Variants in ADAMTS12 observed in about 807,000 individuals in gnomAD.
ADAMTS12 encodes ADAM metallopeptidase with thrombospondin type 1 motif 12.
A neutral mutation model predicts 167.8 loss-of-function variants in ADAMTS12; 118 were observed. The observed-to-expected ratio is 0.70, with a 90% CI of 0.61 to 0.82. ADAMTS12 has a LOEUF of 0.82. Ranked by LOEUF, ADAMTS12 falls within the 40% of genes least tolerant of loss-of-function variation. ADAMTS12 has a pLI of 0.00. For missense variants in ADAMTS12, 1,916 were observed against 1,998.8 expected (o/e 0.96, Z 0.79); for synonymous variants, 704 against 716.9 (o/e 0.98, Z 0.29).
intron 2 of ADAMTS12, among the ~76,000 whole-genome samples, chr5:33,836,335 C>T (rs1267241220): frequency 1.3e-5 from 2 of 152,186 alleles, no homozygotes; most frequent in Non-Finnish European, 1.5e-5. Context: ...CTGGACGAGC[C>T]TTCTCCAAAC....
intron 16 of ADAMTS12, among the ~76,000 whole-genome samples, chr5:33,598,693 G>A (rs6893739): frequency 0.021 from 3,255 of 152,270 alleles, 44 homozygotes; most frequent in African/African-American, 0.05. Context: ...CGATTGTCAG[G>A]ATGTTTCAAA....
chr5:33,527,414 T>G, intron 23 of ADAMTS12, 48 bp from the exon 24 acceptor site: 1 of 1,574,102 alleles, frequency 6.4e-7, no homozygotes. Flanking sequence ...GATTATCCTT[T>G]GTGGATATAC....
At chr5:33,658,362 C>G in intron 6 of ADAMTS12, 29 bp from the exon 7 acceptor site, 1 of 1,604,878 alleles carries the variant, frequency 6.2e-7, no homozygotes, top group Non-Finnish European at 8.5e-7. Flanking sequence ...GAAGCTAAGG[C>G]GCCCAAAGGA....
intron 1 of ADAMTS12, among the ~76,000 whole-genome samples, chr5:33,888,848 T>C (rs1411501478): frequency 1.3e-5 from 2 of 152,196 alleles, no homozygotes; most frequent in African/African-American, 4.8e-5. Context: ...TCACAGCACA[T>C]TCCTATATCA....
chr5:33,794,522 A>C (rs6866568), intron 2 of ADAMTS12, among the ~76,000 whole-genome samples: 26,575 of 152,190 alleles, frequency 0.17, 2,403 homozygotes, highest in East Asian at 0.18. Flanking sequence ...TCATCCTGCT[A>C]CACTGACTTC....
At chr5:33,677,830 A>G (rs1579827766) in intron 5 of ADAMTS12, among the ~76,000 whole-genome samples, 1 of 152,170 alleles carries the variant, frequency 6.6e-6, no homozygotes, top group African/African-American at 2.4e-5. Flanking sequence ...TTGAAATATG[A>G]CTATCTCGCC....
intron 12 of ADAMTS12, among the ~76,000 whole-genome samples, chr5:33,635,845 C>A (rs377221673): frequency 2.0e-5 from 3 of 152,242 alleles, no homozygotes; most frequent in South Asian, 2.1e-4. Context: ...TTCAGGTTAG[C>A]AGATAAGTCA....
intron 17 of ADAMTS12, among the ~76,000 whole-genome samples, chr5:33,594,435 C>A (rs1199827510): frequency 6.6e-6 from 1 of 152,112 alleles, no homozygotes; most frequent in Non-Finnish European, 1.5e-5. Context: ...AGAAATTATA[C>A]CTGTATGTAT....
chr5:33,767,031 G>C (rs1010658716), intron 2 of ADAMTS12, among the ~76,000 whole-genome samples: 1 of 152,062 alleles, frequency 6.6e-6, no homozygotes, highest in Non-Finnish European at 1.5e-5. Context: ...ATGAATACTA[G>C]GAAACAAACT....
At chr5:33,570,283 A>AC (rs755384951) in intron 19 of ADAMTS12, among the ~76,000 whole-genome samples, 5 of 152,240 alleles carry the variant, frequency 3.3e-5, no homozygotes, top group African/African-American at 4.8e-5. Flanking sequence ...CAACTCCAAG[A>AC]CACGTAATTG....
chr5:33,772,211 C>T (rs1745764344), intron 2 of ADAMTS12, among the ~76,000 whole-genome samples: 1 of 152,060 alleles, frequency 6.6e-6, no homozygotes, highest in Middle Eastern at 3.2e-3. Flanking sequence ...AGACTCTCAA[C>T]AGCAGTTCCC....
intron 2 of ADAMTS12, among the ~76,000 whole-genome samples, chr5:33,786,045 G>A (rs1234036678): frequency 6.6e-6 from 1 of 152,196 alleles, no homozygotes; most frequent in Non-Finnish European, 1.5e-5. Context: ...TATGCAAAGT[G>A]AAAGAAACCA....
Position 33,881,321 on chromosome 5 carries a change from G to T in ADAMTS12, c.287C>A (p.Ser96Tyr). The T allele has an allele frequency of 6.2e-7, 1 of 1,614,212 alleles. No homozygotes were observed. Reference protein sequence around the residue: ...GSEDWVYYRISHEEKDLFFNL... With the variant: ...GSEDWVYYRIYHEEKDLFFNL... Reference sequence around the variant, plus strand: ...AAAAAACAGGTCCTTCTCCTCGTGAGAAATTCTGTAGTACACCCAGTCCTC... The same window carrying T: ...AAAAAACAGGTCCTTCTCCTCGTGATAAATTCTGTAGTACACCCAGTCCTC... The change falls in exon 2 of 24, where the codon TCT becomes TAT. Residue 96 changes from serine (S) to tyrosine (Y), a missense_variant. Coordinates refer to ENST00000504830, the MANE Select transcript of ADAMTS12 (RefSeq NM_030955.4).
intron 2 of ADAMTS12, among the ~76,000 whole-genome samples, chr5:33,866,653 A>G (rs1749833822): frequency 2.0e-5 from 3 of 152,152 alleles, no homozygotes; most frequent in African/African-American, 7.2e-5. Flanking sequence ...ATCAGAGTGA[A>G]TAGAAAACCC....
intron 2 of ADAMTS12, among the ~76,000 whole-genome samples, chr5:33,754,805 G>A (rs7713299): frequency 0.044 from 6,677 of 152,134 alleles, 523 homozygotes; most frequent in African/African-American, 0.15. Context: ...GCAGTGAGCC[G>A]AGATTGCGCC....
intron 3 of ADAMTS12, among the ~76,000 whole-genome samples, chr5:33,740,130 C>T (rs1221145566): frequency 6.6e-6 from 1 of 152,096 alleles, no homozygotes; most frequent in Admixed American, 6.5e-5. Flanking sequence ...AGAGGTGGTA[C>T]CAGAACATAA....
At chr5:33,834,410 G>C (rs957382018) in intron 2 of ADAMTS12, among the ~76,000 whole-genome samples, 5 of 152,112 alleles carry the variant, frequency 3.3e-5, no homozygotes, top group African/African-American at 7.2e-5. Context: ...TTCATATATA[G>C]AGAAAACAAT....
intron 3 of ADAMTS12, among the ~76,000 whole-genome samples, chr5:33,713,422 CT>C (rs1283828661): frequency 2.6e-5 from 4 of 152,032 alleles, no homozygotes; most frequent in East Asian, 3.9e-4. Flanking sequence ...TTAACAAGAG[CT>C]TTTAAAAATA....
At chr5:33,696,729 A>G (rs951864422) in intron 3 of ADAMTS12, among the ~76,000 whole-genome samples, 5 of 152,274 alleles carry the variant, frequency 3.3e-5, no homozygotes, top group African/African-American at 1.2e-4. Context: ...GTAAAGGCTC[A>G]AGTTTGAGTT....
Sources: gnomAD v4.1 joint callset for allele counts (sites outside exome capture counted in the v4.1 genomes callset) on GRCh38, gnomAD v4.1.1 for gene constraint, MANE v1.5 for transcripts, NCBI Gene and HGNC (gene_info 2026-07-23, HGNC 2026-07-21) for gene names.